Variants in AGAP1 observed in about 807,000 individuals in gnomAD.
AGAP1 encodes arf-GAP with GTPase, ANK repeat and PH domain-containing protein 1.
Under a neutral mutation model 105.3 loss-of-function variants are expected in AGAP1, and 29 were observed. The observed-to-expected ratio is 0.28, with a 90% CI of 0.21 to 0.38. The LOEUF (loss-of-function observed/expected upper bound fraction) is 0.38. Ranked by LOEUF, AGAP1 falls within the 10% of genes least tolerant of loss-of-function variation. The probability of loss-of-function intolerance (pLI) is 1.00; values close to 1 mark genes in which losing one functional copy is unlikely to be tolerated. For synonymous variants in AGAP1, 509 were observed against 485.9 expected (o/e 1.05, Z -0.63); for missense variants, 998 against 1,165.1 (o/e 0.86, Z 2.09).
rs1038546209 is a variant in AGAP1, at chr2:235,931,966, T to A, written c.1483+1043T>A. ...CCCATTCCCATCCCAGCGCCAGGGCTTGCTCCTTCCCTCAAAAGAAGGTGC... is the reference window on the plus strand; with the variant it reads ...CCCATTCCCATCCCAGCGCCAGGGCATGCTCCTTCCCTCAAAAGAAGGTGC... On this transcript the variant is annotated intron_variant, in intron 12 of 17. Transcript: ENST00000304032. The surrounding 1 kb of genome is among the most constrained non-coding windows in gnomAD (Gnocchi z 5.6). Among the ~76,000 whole-genome samples, 2 of 152,154 alleles carry A rather than the reference T, an allele frequency of 1.3e-5. No individual in the cohort carries two copies. The highest frequency in any genetic ancestry group is 1.3e-4 in the Admixed American group (2 of 15,284).
intron 1 of AGAP1, among the ~76,000 whole-genome samples, chr2:235,558,142 C>T (rs1403859999): frequency 1.3e-5 from 2 of 152,136 alleles, no homozygotes; most frequent in Non-Finnish European, 2.9e-5. Context: ...GTGCCTGGCC[C>T]CGCAGGGTAT....
At chr2:235,743,860 C>T (rs996678432) in intron 4 of AGAP1, among the ~76,000 whole-genome samples, 14 of 152,162 alleles carry the variant, frequency 9.2e-5, no homozygotes, top group African/African-American at 2.7e-4. Context: ...AGATGTGCTG[C>T]GCTGGTTGCA....
chr2:235,857,317 G>A (rs886930614), intron 9 of AGAP1, among the ~76,000 whole-genome samples: 1 of 152,188 alleles, frequency 6.6e-6, no homozygotes, highest in Non-Finnish European at 1.5e-5. Flanking sequence ...AGGTGGAACA[G>A]TTTCACCCTG....
chr2:235,616,647 T>C (rs1946316067), intron 1 of AGAP1, among the ~76,000 whole-genome samples: 1 of 152,212 alleles, frequency 6.6e-6, no homozygotes, highest in African/African-American at 2.4e-5. Context: ...GAAAACTTCA[T>C]AGGTTTCTGG....
At chr2:235,685,405 G>A (rs1949325982) in intron 1 of AGAP1, among the ~76,000 whole-genome samples, 1 of 151,562 alleles carries the variant, frequency 6.6e-6, no homozygotes, top group African/African-American at 2.4e-5. Flanking sequence ...CCTCTCTGAT[G>A]CCTGAAACAC....
rs1947975695 is a variant in AGAP1 at position 235,662,058 on chromosome 2, C to A, written c.164-47121C>A. Among the ~76,000 whole-genome samples the A allele has an allele frequency of 6.6e-6, 1 of 152,124 alleles. No individual in the cohort carries two copies. ...GTTGGGGTATGGCCATAGGAGGGGG[C>A]TCCAGGAATTCAGGGAAGGAAAAGA... On this transcript the variant is annotated intron_variant, in intron 1 of 17. Transcript: ENST00000304032. The surrounding 1 kb of genome is among the most constrained non-coding windows in gnomAD (Gnocchi z 4.2).
intron 12 of AGAP1, among the ~76,000 whole-genome samples, chr2:235,943,445 G>A (rs2053354902): frequency 6.9e-6 from 1 of 144,736 alleles, no homozygotes; most frequent in African/African-American, 2.7e-5. Context: ...TCACTCTGAG[G>A]TTCAAGTAAT....
intron 6 of AGAP1, among the ~76,000 whole-genome samples, chr2:235,774,979 G>C: frequency 6.6e-6 from 1 of 152,152 alleles, no homozygotes; most frequent in South Asian, 2.1e-4. Context: ...CCTTCTGAGA[G>C]CCAAATTTAT....
In AGAP1 at chr2:235,494,355, C is replaced by A. The variant is rs912021127; in HGVS notation, c.-332C>A. The A allele has an allele frequency of 5.5e-5, 8 of 144,278 alleles. No individual in the cohort carries two copies. Among genetic ancestry groups the A allele is most frequent in the Non-Finnish European group, 9.2e-5 (6 of 64,940 alleles). The allele number at this position is 144,278 out of a possible 1,614,324, so 8.9% of individuals were successfully genotyped here. On this transcript the variant is annotated 5_prime_UTR_variant, in exon 1 of 18. Coordinates refer to ENST00000304032, the MANE Select transcript of AGAP1 (RefSeq NM_001037131.3). Reference sequence around the variant, plus strand: ...AGCGCCTAGGGCTGGAAGGCGGCTGCGGCTCAGGAAGTCACCCGAGCAAGC... The same window carrying A: ...AGCGCCTAGGGCTGGAAGGCGGCTGAGGCTCAGGAAGTCACCCGAGCAAGC...
intron 1 of AGAP1, among the ~76,000 whole-genome samples, chr2:235,648,884 CAAAA>C (rs34285333): frequency 9.3e-5 from 13 of 139,580 alleles, no homozygotes; most frequent in Admixed American, 2.9e-4. Context: ...GAGACTGTCT[CAAAA>C]AAAAAAAAAA....
At chr2:235,649,811 A>G (rs895150801) in intron 1 of AGAP1, among the ~76,000 whole-genome samples, 1 of 152,208 alleles carries the variant, frequency 6.6e-6, no homozygotes, top group Non-Finnish European at 1.5e-5. Context: ...TCACTAATTT[A>G]AAGATCTAGG....
intron 9 of AGAP1, among the ~76,000 whole-genome samples, chr2:235,880,466 T>C (rs1228953523): frequency 3.3e-5 from 5 of 151,054 alleles, no homozygotes; most frequent in Non-Finnish European, 5.9e-5. Flanking sequence ...GACGGAAAAA[T>C]GGGAGCCCAC....
rs1276274054 is a variant in AGAP1 at position 235,747,791 on chromosome 2, G to C, written c.539-2563G>C. On this transcript the variant is annotated intron_variant, in intron 5 of 17. Coordinates refer to ENST00000304032, the MANE Select transcript of AGAP1 (RefSeq NM_001037131.3). This position sits in a 1 kb window ranked among gnomAD's most constrained non-coding sequence, Gnocchi z 5.0. ...GATGCCAGAGACAAAAGAGGGATCA[G>C]GTTGTCTAGGAAGGCACCTGGCATT... is the stretch of plus-strand genomic sequence containing the variant. Among the ~76,000 whole-genome samples, 1 of 152,250 alleles carries C rather than the reference G, an allele frequency of 6.6e-6. No individual in the cohort carries two copies. The highest frequency in any genetic ancestry group is 1.5e-5 in the Non-Finnish European group (1 of 68,038).
chr2:235,607,874 G>A (rs188467522), intron 1 of AGAP1, among the ~76,000 whole-genome samples: 21 of 152,310 alleles, frequency 1.4e-4, no homozygotes, highest in Non-Finnish European at 2.4e-4. Context: ...ATTTTTTAAA[G>A]GATAGATAAT....
At chr2:235,822,502 A>G (rs1575556426) in intron 9 of AGAP1, among the ~76,000 whole-genome samples, 1 of 151,348 alleles carries the variant, frequency 6.6e-6, no homozygotes, top group East Asian at 2.0e-4. Context: ...TCAAGAATGA[A>G]GAGAAGCTGG....
At chr2:235,898,277 C>CG (rs1186848833) in intron 10 of AGAP1, among the ~76,000 whole-genome samples, 1 of 152,102 alleles carries the variant, frequency 6.6e-6, no homozygotes, top group Non-Finnish European at 1.5e-5. Context: ...GCAAAGGGAA[C>CG]GGGGCCTTTT....
rs1235661619 is a variant in AGAP1, at chr2:235,621,711, C to T, written c.164-87468C>T. On this transcript the variant is annotated intron_variant, in intron 1 of 17. Transcript: ENST00000304032. The surrounding 1 kb of genome is among the most constrained non-coding windows in gnomAD (Gnocchi z 4.1). ...CATGCATTGGAACTTGGAGTGCCTG[C>T]TCTCTGCCCTGGGTTTATGTCCTAA... is the stretch of plus-strand genomic sequence containing the variant. 1.3e-5 allele frequency among the ~76,000 whole-genome samples: 2 copies of T among 152,202 alleles called. No individual in the cohort carries two copies. The highest frequency in any genetic ancestry group is 3.8e-4 in the East Asian group (2 of 5,198).
chr2:235,918,649 CCTCT>C (rs2052021317), intron 11 of AGAP1, among the ~76,000 whole-genome samples: 1 of 152,144 alleles, frequency 6.6e-6, no homozygotes, highest in Non-Finnish European at 1.5e-5. Context: ...TCTTTGTTAT[CCTCT>C]CTTAGTTTTG....
chr2:235,771,733 A>C (rs868601846), intron 6 of AGAP1, among the ~76,000 whole-genome samples: 5 of 151,666 alleles, frequency 3.3e-5, no homozygotes, highest in African/African-American at 9.7e-5. Flanking sequence ...CCTTCTTCCA[A>C]CTCACTCCTT....
Sources: gnomAD v4.1 joint callset for allele counts (sites outside exome capture counted in the v4.1 genomes callset) on GRCh38, gnomAD v4.1.1 for gene constraint, Gnocchi (gnomAD v3.1) non-coding constraint, MANE v1.5 for transcripts, NCBI Gene and HGNC (gene_info 2026-07-23, HGNC 2026-07-21) for gene names.